Variants in TRABD2A observed in about 807,000 individuals in gnomAD.
TRABD2A encodes the protein metalloprotease TIKI1.
A neutral mutation model predicts 45.6 loss-of-function variants in TRABD2A; 43 were observed. The observed-to-expected ratio is 0.94, with a 90% CI of 0.74 to 1.22. The LOEUF (loss-of-function observed/expected upper bound fraction) is 1.22, where lower values mean the gene tolerates loss of function less well. Ranked by LOEUF, TRABD2A falls within the 50% of genes most tolerant of loss-of-function variation. The probability of loss-of-function intolerance (pLI) is 0.00; values close to 1 mark genes in which losing one functional copy is unlikely to be tolerated. For synonymous variants in TRABD2A, 269 were observed against 265.0 expected, an observed-to-expected ratio of 1.02 and a Z score of -0.15; for missense variants, 642 against 652.4, an observed-to-expected ratio of 0.98 and a Z score of 0.17.
intron 1 of TRABD2A, 133 bp downstream of exon 1, chr2:84,880,799 C>T: frequency 7.4e-7 from 1 of 1,343,970 alleles, no homozygotes; most frequent in Admixed American, 2.3e-5. Flanking sequence ...CAAGGAGCGC[C>T]GCGGTGCTAG....
chr2:84,866,125 A>G (rs1434236275), intron 2 of TRABD2A, among the ~76,000 whole-genome samples: 1 of 152,234 alleles, frequency 6.6e-6, no homozygotes, highest in East Asian at 1.9e-4. Flanking sequence ...AAGAGCCACA[A>G]GGCCTACAGG....
rs771628299 is a variant in TRABD2A, at chr2:84,880,956, G to T, written c.84C>A (p.Thr28=). The stretch of plus-strand genomic sequence containing the variant: ...CTTGGGGCTTGAGCTCGCAGTTGGC[G>T]GTGCCGGGCGCCCCGCGCCGCGAAG... The part of the protein sequence containing the change: ...GAASRRGAPG[T]ANCELKPQQS... Residue 28 remains threonine (T), a synonymous_variant, in exon 1 of 7, where the codon ACC becomes ACA. Coordinates refer to ENST00000409520, the MANE Select transcript of TRABD2A (RefSeq NM_001277053.2). 1 of 1,598,408 alleles carries T rather than the reference G, an allele frequency of 6.3e-7. No homozygotes were observed. Among genetic ancestry groups the T allele is most frequent in the South Asian group, 1.1e-5 (1 of 88,558 alleles).
At chr2:84,865,223 TG>T (rs1228412371) in intron 2 of TRABD2A, among the ~76,000 whole-genome samples, 1 of 147,038 alleles carries the variant, frequency 6.8e-6, no homozygotes, top group Non-Finnish European at 1.5e-5. Flanking sequence ...TGTTGCATTG[TG>T]GGGAAAAAAA....
Position 84,821,686 on chromosome 2 carries a change from T to G in TRABD2A, c.*231A>C. 2.6e-6 allele frequency: 1 copy of G among 377,972 alleles called. No homozygotes were observed. The highest frequency in any genetic ancestry group is 4.7e-6 in the Non-Finnish European group (1 of 213,402). The allele number at this position is 377,972 out of a possible 1,614,324, so 23.4% of individuals were successfully genotyped here. On this transcript the variant is annotated 3_prime_UTR_variant, in exon 7 of 7. Coordinates refer to ENST00000409520, the MANE Select transcript of TRABD2A (RefSeq NM_001277053.2). ...AGGTATTTATTTTCATACAACTCATTTATAATTTATTTTCACACAACTCAC... is the reference window on the plus strand; with the variant it reads ...AGGTATTTATTTTCATACAACTCATGTATAATTTATTTTCACACAACTCAC...
At chr2:84,831,925 G>T in intron 5 of TRABD2A, 130 bp downstream of exon 5, 2 of 867,270 alleles carry the variant, frequency 2.3e-6, no homozygotes, top group Non-Finnish European at 3.7e-6. Flanking sequence ...GTCCATGTAA[G>T]GTCAAGTGTG....
In TRABD2A at chr2:84,862,581, CTGTACAAAAATA is replaced by C. The variant is rs1264315653; in HGVS notation, c.669+7632_669+7643del. On this transcript the variant is annotated intron_variant, in intron 2 of 6. Coordinates refer to ENST00000409520, the MANE Select transcript of TRABD2A (RefSeq NM_001277053.2). ...AGCAGCATGTGTGGCATCCAGGTAC[CTGTACAAAAATA>C]GGTACAAAAATACCTATTCTTGGTT... is the stretch of plus-strand genomic sequence containing the variant. Among the ~76,000 whole-genome samples, 6 of 152,214 alleles carry C rather than the reference CTGTACAAAAATA, an allele frequency of 3.9e-5. No individual in the cohort carries two copies. The East Asian group carries it at 9.7e-4, about 24-fold the overall frequency.
chr2:84,838,879 A>C (rs747530067), intron 4 of TRABD2A, among the ~76,000 whole-genome samples: 2 of 152,234 alleles, frequency 1.3e-5, no homozygotes, highest in Non-Finnish European at 2.9e-5. Context: ...TGAAATTCAG[A>C]GGACAAAAAT....
At chr2:84,855,010 A>G (rs1385783031) in intron 2 of TRABD2A, among the ~76,000 whole-genome samples, 2 of 152,140 alleles carry the variant, frequency 1.3e-5, no homozygotes, top group Non-Finnish European at 2.9e-5. Flanking sequence ...AGCCCTATGT[A>G]GGACATGATT....
chr2:84,858,347 A>C (rs1682383706), intron 2 of TRABD2A, among the ~76,000 whole-genome samples: 1 of 152,086 alleles, frequency 6.6e-6, no homozygotes, highest in Non-Finnish European at 1.5e-5. Context: ...GCAGAGCACA[A>C]ATTTTCCCAG....
rs375810155 is a variant in TRABD2A at position 84,866,612 on chromosome 2, TCATGGTAGG to T, written c.669+3604_669+3612del. On this transcript the variant is annotated intron_variant, in intron 2 of 6. Coordinates refer to ENST00000409520, the MANE Select transcript of TRABD2A (RefSeq NM_001277053.2). ...TATAAAATTATCAGTGAGGACTGTCTCATGGTAGGCACTGTATGTTCACTCCCTTCTGCT... is the reference window on the plus strand; with the variant it reads ...TATAAAATTATCAGTGAGGACTGTCTCACTGTATGTTCACTCCCTTCTGCT... 2.8e-3 allele frequency among the ~76,000 whole-genome samples: 433 copies of T among 152,226 alleles called. 1 individual carries two copies. The highest frequency in any genetic ancestry group is 1.0e-2 in the African/African-American group (415 of 41,562).
At chr2:84,876,733 T>C (rs1467615129) in intron 1 of TRABD2A, among the ~76,000 whole-genome samples, 1 of 152,204 alleles carries the variant, frequency 6.6e-6, no homozygotes, top group African/African-American at 2.4e-5. Context: ...ACCCTGCTAG[T>C]TGTATTGTTG....
chr2:84,833,100 C>T (rs992286606), intron 4 of TRABD2A: 1 of 152,126 alleles, frequency 6.6e-6, no homozygotes, highest in African/African-American at 2.4e-5. Flanking sequence ...TTTTCACCCT[C>T]ATGCATCAAA....
intron 2 of TRABD2A, among the ~76,000 whole-genome samples, chr2:84,855,756 T>A (rs1682277518): frequency 6.6e-6 from 1 of 152,116 alleles, no homozygotes; most frequent in African/African-American, 2.4e-5. Context: ...AGCAGACCTT[T>A]TTCTCTTTCC....
intron 2 of TRABD2A, among the ~76,000 whole-genome samples, chr2:84,857,078 G>A (rs11686216): frequency 0.026 from 3,903 of 152,224 alleles, 81 homozygotes; most frequent in South Asian, 0.055. Flanking sequence ...AAGGAGAGAG[G>A]ATTCGCCCTG....
chr2:84,829,888 CAT>C (rs989588753), intron 5 of TRABD2A, among the ~76,000 whole-genome samples: 9 of 150,936 alleles, frequency 6.0e-5, no homozygotes, highest in Non-Finnish European at 8.9e-5. Context: ...CACACACACA[CAT>C]ACACCCCACA....
chr2:84,870,110 A>G lies in TRABD2A; in HGVS notation c.669+115T>C. On this transcript the variant is annotated intron_variant, in intron 2 of 6. Coordinates refer to ENST00000409520, the MANE Select transcript of TRABD2A (RefSeq NM_001277053.2). ...TTTAACCCCCGGAAAAGCATTTTTAAGCAAAGACAATTTCTAGACAAGCTG... is the reference window on the plus strand; with the variant it reads ...TTTAACCCCCGGAAAAGCATTTTTAGGCAAAGACAATTTCTAGACAAGCTG... 2.7e-6 allele frequency: 3 copies of G among 1,124,846 alleles called. No homozygotes were observed. In the South Asian group the frequency reaches 4.8e-5, roughly 18 times the overall value. The allele number at this position is 1,124,846 out of a possible 1,614,324, so 69.7% of individuals were successfully genotyped here.
Position 84,880,941 on chromosome 2 carries a change from G to C in TRABD2A, c.99C>G (p.Leu33=). ...RGAPGTANCE[L]KPQQSELNSF... is the part of the protein sequence containing the mutation. ...CCGACGCGCGCCTTACTTGGGGCTT[G>C]AGCTCGCAGTTGGCGGTGCCGGGCG... The change falls in exon 1 of 7, where the codon CTC becomes CTG. Residue 33 remains leucine, a synonymous_variant. Transcript: ENST00000409520. The C allele has an allele frequency of 1.9e-6, 3 of 1,594,866 alleles. No individual in the cohort carries two copies. Among genetic ancestry groups the C allele is most frequent in the Non-Finnish European group, 2.6e-6 (3 of 1,171,488 alleles).
intron 6 of TRABD2A, among the ~76,000 whole-genome samples, chr2:84,823,591 G>T (rs965917616): frequency 6.6e-6 from 1 of 152,072 alleles, no homozygotes; most frequent in South Asian, 2.1e-4. Flanking sequence ...CATTCCTACC[G>T]AGCTGCTTCC....
At chr2:84,874,898 A>G in intron 1 of TRABD2A, 1 of 172,910 alleles carries the variant, frequency 5.8e-6, no homozygotes, top group South Asian at 1.2e-4. Context: ...GAAAACATTA[A>G]ACACAGTGGA....
Sources: gnomAD v4.1 joint callset for allele counts (sites outside exome capture counted in the v4.1 genomes callset) on GRCh38, gnomAD v4.1.1 for gene constraint, MANE v1.5 for transcripts, NCBI Gene and HGNC (gene_info 2026-07-23, HGNC 2026-07-21) for gene names.